The following PLPP7 variants were observed in gnomAD, a reference collection of about 807,000 sequenced individuals.
PLPP7 encodes the protein inactive phospholipid phosphatase 7.
PLPP7 carries 11 observed loss-of-function variants against 16.9 expected under a neutral mutation model. The ratio of observed to expected loss-of-function variants is 0.65; its 90% CI spans 0.41 to 1.08. The LOEUF (loss-of-function observed/expected upper bound fraction) is 1.08. PLPP7 is among the 50% of genes least tolerant of loss of function. The pLI, the probability that PLPP7 is intolerant of heterozygous loss-of-function variation, is 0.00. For synonymous variants in PLPP7, 174 were observed against 175.1 expected, an observed-to-expected ratio of 0.99 and a Z score of 0.05; for missense variants, 358 against 397.1, an observed-to-expected ratio of 0.90 and a Z score of 0.84.
intron 1 of PLPP7, chr9:131,292,988 A>G (rs1266882447): frequency 2.0e-6 from 2 of 983,020 alleles, no homozygotes; most frequent in African/African-American, 3.5e-5. Flanking sequence ...ATCTTTAAAA[A>G]CATCATGTAT....
At chr9:131,296,911 A>C (rs1343417535) in intron 1 of PLPP7, among the ~76,000 whole-genome samples, 2 of 152,156 alleles carry the variant, frequency 1.3e-5, no homozygotes, top group Non-Finnish European at 2.9e-5. Flanking sequence ...CAGCCTCTCC[A>C]CGAGGCTTGT....
rs1303999802 is a variant in PLPP7 at position 131,308,397 on chromosome 9, C to T, written c.*110C>T. 4.2e-6 allele frequency: 6 copies of T among 1,424,812 alleles called. No homozygotes were observed. The highest frequency in any genetic ancestry group is 2.7e-5 in the Admixed American group (1 of 37,094). The allele number at this position is 1,424,812 out of a possible 1,614,324, so 88.3% of individuals were successfully genotyped here. A position where few individuals can be genotyped will look rare whatever the true frequency, so the allele number is the denominator to read the frequency against. On this transcript the variant is annotated 3_prime_UTR_variant, in exon 2 of 2. Coordinates refer to ENST00000372264, the MANE Select transcript of PLPP7 (RefSeq NM_032728.4). ...GGAACAGAGCGGCCAGGAGTCAGAGCGGCCACCCCCACCTCATCTTCCCCT... is the reference window on the plus strand; with the variant it reads ...GGAACAGAGCGGCCAGGAGTCAGAGTGGCCACCCCCACCTCATCTTCCCCT...
rs755901734 is a variant in PLPP7 at position 131,290,052 on chromosome 9, C to T, written c.55C>T (p.Arg19Trp). The T allele has an allele frequency of 4.8e-6, 7 of 1,471,546 alleles. No homozygotes were observed. Among genetic ancestry groups the T allele is most frequent in the South Asian group, 2.9e-5 (2 of 69,190 alleles). The allele number at this position is 1,471,546 out of a possible 1,614,324, so 91.2% of individuals were successfully genotyped here. A position where few individuals can be genotyped will look rare whatever the true frequency, so the allele number is the denominator to read the frequency against. Residue 19 changes from arginine to tryptophan, a missense_variant, in exon 1 of 2, where the codon CGG (arginine) becomes TGG (tryptophan). By Grantham distance (101) the Arg-to-Trp change is moderately radical. Transcript: ENST00000372264. The surrounding 1 kb of genome is among the most constrained non-coding windows in gnomAD (Gnocchi z 4.2). ...RARDRNNVLN[R>W]AEFLSLNQPP... ...CCGGGACCGCAACAACGTCCTCAACCGGGCTGAGTTCCTGTCCCTGAACCA... is the reference window on the plus strand; with the variant it reads ...CCGGGACCGCAACAACGTCCTCAACTGGGCTGAGTTCCTGTCCCTGAACCA...
At chr9:131,294,016 G>A (rs1835709534) in intron 1 of PLPP7, among the ~76,000 whole-genome samples, 1 of 152,218 alleles carries the variant, frequency 6.6e-6, no homozygotes, top group Admixed American at 6.5e-5. Context: ...GGAAATGGGA[G>A]CTGCAGCTAC....
In PLPP7 at chr9:131,289,776, G is replaced by A. The variant is rs946210567; in HGVS notation, c.-222G>A. 24 of 404,672 alleles carry A rather than the reference G, an allele frequency of 5.9e-5. No individual in the cohort carries two copies. The highest frequency in any genetic ancestry group is 4.7e-4 in the African/African-American group (23 of 48,668). The allele number at this position is 404,672 out of a possible 1,614,324, so 25.1% of individuals were successfully genotyped here. On this transcript the variant is annotated 5_prime_UTR_variant, in exon 1 of 2. Coordinates refer to ENST00000372264, the MANE Select transcript of PLPP7 (RefSeq NM_032728.4). ...GCTCTGCTGGTGCAGGCCCCGCATTGGAGGGCTCGATTGGCTGCCCGGCTG... is the reference window on the plus strand; with the variant it reads ...GCTCTGCTGGTGCAGGCCCCGCATTAGAGGGCTCGATTGGCTGCCCGGCTG...
chr9:131,289,875 C>A lies in PLPP7; in HGVS notation c.-123C>A. 1 of 734,918 alleles carries A rather than the reference C, an allele frequency of 1.4e-6. No homozygotes were observed. Among genetic ancestry groups the A allele is most frequent in the Non-Finnish European group, 2.0e-6 (1 of 505,592 alleles). The allele number at this position is 734,918 out of a possible 1,614,324, so 45.5% of individuals were successfully genotyped here. A position where few individuals can be genotyped will look rare whatever the true frequency, so the allele number is the denominator to read the frequency against. On this transcript the variant is annotated 5_prime_UTR_variant, in exon 1 of 2. Transcript: ENST00000372264. ...GTGCAACTCTCCACACTATATTTAA[C>A]AGCTGCGGCGGAGAAGGCAGGGAGG...
Position 131,308,008 on chromosome 9 carries a change from G to A in PLPP7, c.537G>A (p.Leu179=), listed in dbSNP as rs1186462134. ...CGTACGAGACGAGCCCCAGCCTCCT[G>A]GACTACCTCACCATGGACATCTACG... ...RGPYETSPSL[L]DYLTMDIYAF... is the part of the protein sequence containing the mutation. Residue 179 remains leucine (L), a synonymous_variant, in exon 2 of 2, where the codon CTG becomes CTA. Transcript: ENST00000372264. 3 of 1,600,808 alleles carry A rather than the reference G, an allele frequency of 1.9e-6. No homozygotes were observed. In the East Asian group the frequency reaches 6.7e-5, roughly 36 times the overall value.
chr9:131,307,245 CAAA>C (rs1205183897), intron 1 of PLPP7, among the ~76,000 whole-genome samples: 30 of 97,830 alleles, frequency 3.1e-4, no homozygotes, highest in Admixed American at 4.6e-4. Context: ...GACCCTGTAT[CAAA>C]AAAAAAAAAA....
chr9:131,308,394 G>C lies in PLPP7; in HGVS notation c.*107G>C. ...GGTGGAACAGAGCGGCCAGGAGTCA[G>C]AGCGGCCACCCCCACCTCATCTTCC... is the stretch of plus-strand genomic sequence containing the variant. On this transcript the variant is annotated 3_prime_UTR_variant, in exon 2 of 2. Coordinates refer to ENST00000372264, the MANE Select transcript of PLPP7 (RefSeq NM_032728.4). 1.4e-6 allele frequency: 2 copies of C among 1,432,756 alleles called. No individual in the cohort carries two copies. The highest frequency in any genetic ancestry group is 1.8e-6 in the Non-Finnish European group (2 of 1,093,064). 88.8% of individuals were successfully genotyped at this position (1,432,756 alleles called of 1,614,324 possible).
At chr9:131,298,241 C>T (rs1295846642) in intron 1 of PLPP7, among the ~76,000 whole-genome samples, 1 of 152,110 alleles carries the variant, frequency 6.6e-6, no homozygotes, top group Non-Finnish European at 1.5e-5. Flanking sequence ...AGCCAAATGC[C>T]CTTCGGGAAG....
rs7042591 is a variant in PLPP7, at chr9:131,293,164, G to A, written c.451+2716G>A. 8.8e-3 allele frequency among the ~76,000 whole-genome samples: 1,344 copies of A among 152,230 alleles called. 19 individuals are homozygous for A. Among genetic ancestry groups the A allele is most frequent in the African/African-American group, 0.031 (1,295 of 41,508 alleles). On this transcript the variant is annotated intron_variant, in intron 1 of 1. Transcript: ENST00000372264. Reference sequence around the variant, plus strand: ...ACTTGCCCACCATACAGCTATAAGCGGTAGGTTCAGGAAGTAAATCCAAGG... The same window carrying A: ...ACTTGCCCACCATACAGCTATAAGCAGTAGGTTCAGGAAGTAAATCCAAGG...
intron 1 of PLPP7, among the ~76,000 whole-genome samples, chr9:131,294,305 A>G (rs954455823): frequency 6.6e-6 from 1 of 152,072 alleles, no homozygotes; most frequent in African/African-American, 2.4e-5. Flanking sequence ...TTGTTGGGAA[A>G]TCTCCCTGAT....
At position 131,295,704 on chromosome 9, in the gene PLPP7, T is replaced by C. The variant is rs1835729156; in HGVS notation, c.451+5256T>C. On this transcript the variant is annotated intron_variant, in intron 1 of 1. Transcript: ENST00000372264. This position sits in a 1 kb window ranked among gnomAD's most constrained non-coding sequence, Gnocchi z 4.0. ...CTGGCAACCTCCATTCTACACTCTG[T>C]CTCTGTGGATTTGACTGTTCTAGGG... Among the ~76,000 whole-genome samples, 1 of 152,130 alleles carries C rather than the reference T, an allele frequency of 6.6e-6. No homozygotes were observed. Among genetic ancestry groups the C allele is most frequent in the Admixed American group, 6.5e-5 (1 of 15,268 alleles).
intron 1 of PLPP7, among the ~76,000 whole-genome samples, chr9:131,301,138 T>G (rs1183664998): frequency 6.6e-6 from 1 of 152,026 alleles, no homozygotes; most frequent in Non-Finnish European, 1.5e-5. Flanking sequence ...CCAGCTAATT[T>G]TTGTTTTTTC....
chr9:131,305,939 G>A (rs1320965772), intron 1 of PLPP7, among the ~76,000 whole-genome samples: 10 of 151,688 alleles, frequency 6.6e-5, no homozygotes, highest in African/African-American at 2.2e-4. Flanking sequence ...AGAGACATCC[G>A]TCTCTTAAAA....
chr9:131,290,113 G>A lies in PLPP7; in HGVS notation c.116G>A (p.Gly39Asp), dbSNP rs1448882908. Residue 39 changes from glycine (G) to aspartate (D), a missense_variant, in exon 1 of 2, where the codon GGC (glycine) becomes GAC (aspartate). By Grantham distance (94) the Gly-to-Asp change is moderately conservative. Transcript: ENST00000372264. The surrounding 1 kb of genome is among the most constrained non-coding windows in gnomAD (Gnocchi z 4.2). ...PKGGPEPRSS[G>D]RKASGPSAQP... The stretch of plus-strand genomic sequence containing the variant: ...GGGGGCCCGGAGCCCCGCAGCTCGG[G>A]CAGAAAGGCCTCGGGCCCATCAGCA... The A allele has an allele frequency of 7.2e-6, 11 of 1,534,488 alleles. No individual in the cohort carries two copies. The highest frequency in any genetic ancestry group is 9.7e-6 in the Non-Finnish European group (11 of 1,139,296).
chr9:131,293,277 G>T (rs1316486197), intron 1 of PLPP7, among the ~76,000 whole-genome samples: 3 of 152,182 alleles, frequency 2.0e-5, no homozygotes, highest in African/African-American at 7.2e-5. Flanking sequence ...CACTCCTGGA[G>T]CGTGTGTGCT....
chr9:131,289,840 A>C lies in PLPP7; in HGVS notation c.-158A>C. 1.9e-6 allele frequency: 1 copy of C among 522,164 alleles called. No homozygotes were observed. The highest frequency in any genetic ancestry group is 3.0e-6 in the Non-Finnish European group (1 of 335,446). 32.3% of individuals were successfully genotyped at this position (522,164 alleles called of 1,614,324 possible). On this transcript the variant is annotated 5_prime_UTR_variant, in exon 1 of 2. Transcript: ENST00000372264. ...CTTGGAGCTGGGTGGCAGAGGAGATAAACAGCCATGTGCAACTCTCCACAC... is the reference window on the plus strand; with the variant it reads ...CTTGGAGCTGGGTGGCAGAGGAGATCAACAGCCATGTGCAACTCTCCACAC...
In PLPP7 at chr9:131,308,285, T is replaced by G. The variant is rs1249497690; in HGVS notation, c.814T>G (p.Ter272GlyextTer80). ...STCQMLISAW[*>G] ...CTGCCAGATGCTCATCTCTGCCTGG[T>G]GAAGCGCCCGCCGGCCCACACAAGC... Residue 272 changes from the stop codon to glycine (G), a stop_lost, in exon 2 of 2, where the codon TGA becomes GGA. Coordinates refer to ENST00000372264, the MANE Select transcript of PLPP7 (RefSeq NM_032728.4). 1 of 1,577,594 alleles carries G rather than the reference T, an allele frequency of 6.3e-7. No individual in the cohort carries two copies. Among genetic ancestry groups the G allele is most frequent in the Non-Finnish European group, 8.6e-7 (1 of 1,169,524 alleles).
Sources: gnomAD v4.1 joint callset for allele counts (sites outside exome capture counted in the v4.1 genomes callset) on GRCh38, gnomAD v4.1.1 for gene constraint, Gnocchi (gnomAD v3.1) non-coding constraint, MANE v1.5 for transcripts, NCBI Gene and HGNC (gene_info 2026-07-23, HGNC 2026-07-21) for gene names.